Variants in CADM2 observed in about 807,000 individuals in gnomAD.
The protein encoded by CADM2 is immunoglobulin superfamily member 4D.
CADM2 carries 12 observed loss-of-function variants against 49.8 expected under a neutral mutation model. The observed-to-expected ratio is 0.24, with a 90% CI of 0.15 to 0.39. CADM2 has a LOEUF of 0.39. Ranked by LOEUF, CADM2 falls within the 10% of genes least tolerant of loss-of-function variation. The pLI is 1.00. For synonymous variants in CADM2, 214 were observed against 175.4 expected (o/e 1.22, Z -1.74); for missense variants, 378 against 492.3 (o/e 0.77, Z 2.20).
At chr3:85,169,365 T>C (rs919642979) in intron 1 of CADM2, among the ~76,000 whole-genome samples, 2 of 152,338 alleles carry the variant, frequency 1.3e-5, no homozygotes, top group Admixed American at 6.5e-5. Context: ...TATGGTTATT[T>C]ACATGATTGT....
At chr3:85,350,308 CA>C (rs2031210174) in intron 1 of CADM2, among the ~76,000 whole-genome samples, 1 of 152,032 alleles carries the variant, frequency 6.6e-6, no homozygotes, top group African/African-American at 2.4e-5. Flanking sequence ...AATACTATGA[CA>C]AAACACATGT....
At chr3:85,000,831 A>G (rs2033428959) in intron 1 of CADM2, among the ~76,000 whole-genome samples, 1 of 152,208 alleles carries the variant, frequency 6.6e-6, no homozygotes, top group South Asian at 2.1e-4. Context: ...ATGTATGTAC[A>G]TTTGTATAGG....
At chr3:85,628,615 A>G (rs1387138317) in intron 1 of CADM2, among the ~76,000 whole-genome samples, 12 of 106,882 alleles carry the variant, frequency 1.1e-4, no homozygotes, top group Admixed American at 1.1e-3. Context: ...ATATACATTT[A>G]TATACATATA....
At chr3:85,356,597 G>A (rs533577640) in intron 1 of CADM2, among the ~76,000 whole-genome samples, 1 of 152,180 alleles carries the variant, frequency 6.6e-6, no homozygotes, top group African/African-American at 2.4e-5. Flanking sequence ...AGTAGCTCTC[G>A]AGTTATGGGA....
chr3:85,539,523 C>G (rs1467675054), intron 1 of CADM2, among the ~76,000 whole-genome samples: 1 of 151,952 alleles, frequency 6.6e-6, no homozygotes, highest in Admixed American at 6.6e-5. Context: ...GGTATAGATG[C>G]TCTAGCTCTT....
At chr3:85,468,331 A>C (rs2107603979) in intron 1 of CADM2, among the ~76,000 whole-genome samples, 1 of 152,044 alleles carries the variant, frequency 6.6e-6, no homozygotes, top group South Asian at 2.1e-4. Flanking sequence ...TGTTGTGTCT[A>C]AGCCCCCAGT....
chr3:85,835,620 T>C (rs959809404), intron 3 of CADM2, among the ~76,000 whole-genome samples: 3 of 150,790 alleles, frequency 2.0e-5, no homozygotes, highest in African/African-American at 7.3e-5. Context: ...TTATCTTTCA[T>C]TGTTTTTCTT....
intron 2 of CADM2, among the ~76,000 whole-genome samples, chr3:85,742,840 T>G (rs1396914120): frequency 6.6e-6 from 1 of 152,206 alleles, no homozygotes. Context: ...GGAGCACTTC[T>G]CGAATTCCTA....
At chr3:85,638,882 ATTTCCCC>A (rs915136290) in intron 1 of CADM2, among the ~76,000 whole-genome samples, 2 of 152,132 alleles carry the variant, frequency 1.3e-5, no homozygotes, top group African/African-American at 4.8e-5. Flanking sequence ...TTCCTAAAAT[ATTTCCCC>A]AATGTAAACT....
chr3:85,108,769 G>A (rs555962921), intron 1 of CADM2, among the ~76,000 whole-genome samples: 7 of 151,930 alleles, frequency 4.6e-5, no homozygotes, highest in Non-Finnish European at 7.4e-5. Context: ...ATTGTTACAG[G>A]AATTATTTGA....
At chr3:84,970,511 G>T (rs2031350108) in intron 1 of CADM2, among the ~76,000 whole-genome samples, 2 of 151,764 alleles carry the variant, frequency 1.3e-5, no homozygotes, top group Admixed American at 6.6e-5. Context: ...CAATTTCCCT[G>T]ATGTCTTGTG....
intron 1 of CADM2, among the ~76,000 whole-genome samples, chr3:85,617,272 T>A (rs769448181): frequency 2.6e-5 from 4 of 152,154 alleles, no homozygotes; most frequent in Non-Finnish European, 5.9e-5. Flanking sequence ...CAACCCTACC[T>A]TTCAGTTTGA....
At chr3:85,765,607 C>T (rs955975612) in intron 2 of CADM2, among the ~76,000 whole-genome samples, 7 of 151,960 alleles carry the variant, frequency 4.6e-5, no homozygotes, top group Non-Finnish European at 7.4e-5. Flanking sequence ...CAGAGATGCT[C>T]TTTATTTCTA....
At chr3:86,042,335 G>C (rs959443366) in intron 8 of CADM2, among the ~76,000 whole-genome samples, 25 of 152,082 alleles carry the variant, frequency 1.6e-4, no homozygotes, top group African/African-American at 6.0e-4. Flanking sequence ...CCACTAGCAA[G>C]ACTAATAAAG....
intron 8 of CADM2, among the ~76,000 whole-genome samples, chr3:86,004,847 C>G (rs757245911): frequency 6.6e-6 from 1 of 152,192 alleles, no homozygotes; most frequent in Non-Finnish European, 1.5e-5. Context: ...AACTTCCTAC[C>G]TGGGCATTCT....
intron 1 of CADM2, among the ~76,000 whole-genome samples, chr3:85,504,843 G>C (rs369451980): frequency 2.7e-3 from 413 of 152,318 alleles, no homozygotes; most frequent in Middle Eastern, 6.8e-3. Flanking sequence ...CTAAGGCCCG[G>C]CGAGAAATAG....
chr3:85,021,707 G>C (rs139694656), intron 1 of CADM2, among the ~76,000 whole-genome samples: 2 of 152,180 alleles, frequency 1.3e-5, no homozygotes, highest in East Asian at 3.9e-4. Context: ...CCCAGGAAGC[G>C]GAGGTTGCAG....
chr3:85,458,762 T>A (rs774418673), intron 1 of CADM2, among the ~76,000 whole-genome samples: 2 of 152,130 alleles, frequency 1.3e-5, no homozygotes, highest in Non-Finnish European at 2.9e-5. Context: ...CTTTCTTGTT[T>A]TATTATTAGA....
At chr3:86,047,818 A>G (rs1285365334) in intron 8 of CADM2, among the ~76,000 whole-genome samples, 1 of 152,178 alleles carries the variant, frequency 6.6e-6, no homozygotes, top group Non-Finnish European at 1.5e-5. Context: ...TCGAGTCCCA[A>G]ATCTGGGGTC....
Sources: allele counts gnomAD v4.1 joint callset (sites outside exome capture counted in the v4.1 genomes callset), GRCh38; gene constraint gnomAD v4.1.1; transcripts MANE v1.5; gene names NCBI Gene and HGNC (gene_info 2026-07-23, HGNC 2026-07-21).